The following ZNF717 variants were observed in gnomAD, a reference collection of about 807,000 sequenced individuals.
ZNF717 encodes zinc finger protein 717, also known as krueppel-like factor X17.
ZNF717 carries 9 observed loss-of-function variants against 13.8 expected under a neutral mutation model. The ratio of observed to expected loss-of-function variants is 0.65; its 90% confidence interval spans 0.39 to 1.14. The LOEUF is 1.14. ZNF717 is among the 50% of genes most tolerant of loss of function. ZNF717 has a pLI of 0.01. For synonymous variants in ZNF717, 327 were observed against 364.1 expected (o/e 0.90, Z 1.16); for missense variants, 1,040 against 1,080.7 (o/e 0.96, Z 0.53).
chr3:75,716,246 G>C (rs1158790124), intron 5 of ZNF717, among the ~76,000 whole-genome samples: 1 of 150,494 alleles, frequency 6.6e-6, no homozygotes, highest in Non-Finnish European at 1.5e-5. Context: ...CCCAAGATAA[G>C]ATTGTTCACA....
chr3:75,703,448 T>A (rs1937737283), intron 6 of ZNF717, among the ~76,000 whole-genome samples: 1 of 152,226 alleles, frequency 6.6e-6, no homozygotes, highest in Non-Finnish European at 1.5e-5. Context: ...GAGAATTGCT[T>A]GAATCTGGGA....
chr3:75,777,595 A>G (rs1944427204), intron 2 of ZNF717, among the ~76,000 whole-genome samples: 1 of 152,134 alleles, frequency 6.6e-6, no homozygotes, highest in South Asian at 2.1e-4. Context: ...TAGAAACCCA[A>G]AACAATGGGA....
intron 2 of ZNF717, among the ~76,000 whole-genome samples, chr3:75,754,241 G>A: frequency 6.6e-6 from 1 of 152,222 alleles, no homozygotes; most frequent in East Asian, 1.9e-4. Flanking sequence ...AGCATCACCT[G>A]CCCTGACACC....
At chr3:75,773,033 T>C (rs1944021841) in intron 2 of ZNF717, among the ~76,000 whole-genome samples, 1 of 152,246 alleles carries the variant, frequency 6.6e-6, no homozygotes, top group Non-Finnish European at 1.5e-5. Context: ...AGTAGTTAAC[T>C]GGCTTGAATC....
intron 6 of ZNF717, among the ~76,000 whole-genome samples, chr3:75,694,799 T>C (rs1387128230): frequency 1.6e-4 from 24 of 152,206 alleles, no homozygotes; most frequent in African/African-American, 5.8e-4. Flanking sequence ...TATTATATTG[T>C]TTTCAAGCCT....
chr3:75,753,675 G>T (rs1488022366), intron 2 of ZNF717, among the ~76,000 whole-genome samples: 1 of 150,808 alleles, frequency 6.6e-6, no homozygotes, highest in Non-Finnish European at 1.5e-5. Flanking sequence ...GAACACTCCT[G>T]CTGGGGTCTG....
chr3:75,774,762 A>G (rs1355865986), intron 2 of ZNF717, among the ~76,000 whole-genome samples: 1 of 151,730 alleles, frequency 6.6e-6, no homozygotes, highest in African/African-American at 2.4e-5. Context: ...CTGGGACTAC[A>G]GGTGCCCACC....
intron 2 of ZNF717, among the ~76,000 whole-genome samples, chr3:75,742,424 G>GAACTCATT (rs1359219384): frequency 6.6e-6 from 1 of 151,926 alleles, no homozygotes; most frequent in African/African-American, 2.4e-5. Context: ...ATGTTTAGGT[G>GAACTCATT]AACTCATTGA....
At chr3:75,764,208 T>G (rs949235636) in intron 2 of ZNF717, among the ~76,000 whole-genome samples, 2 of 152,172 alleles carry the variant, frequency 1.3e-5, no homozygotes, top group Non-Finnish European at 2.9e-5. Context: ...GTGGCCAATG[T>G]GGGCTCTCTG....
At chr3:75,719,859 G>A (rs1481683443) in intron 4 of ZNF717, among the ~76,000 whole-genome samples, 165 of 152,146 alleles carry the variant, frequency 1.1e-3, no homozygotes, top group African/African-American at 3.6e-3. Context: ...TCGGGAGGTT[G>A]AGGCATGATA....
Position 75,737,227 on chromosome 3 carries a change from G to T in ZNF717, c.2396C>A (p.Thr799Lys). Residue 799 changes from threonine (T) to lysine (K), a missense_variant, in exon 5 of 5, where the codon ACA (threonine) becomes AAA (lysine). Around this residue, in one of 3 missense-constraint regions of ZNF717, gnomAD observed 873 missense variants for 832.8 expected, o/e 1.05. Transcript: ENST00000652011. ...DECRKTFYDK[T>K]VLTIHQRTHT... The stretch of plus-strand genomic sequence containing the variant: ...AGTTCTCTGATGTATGGTGAGAACT[G>T]TCTTATCGTAAAAAGTTTTCCTACA... 1 of 1,553,404 alleles carries T rather than the reference G, an allele frequency of 6.4e-7. No homozygotes were observed. Among genetic ancestry groups the T allele is most frequent in the Non-Finnish European group, 8.7e-7 (1 of 1,148,120 alleles).
exon 6 of ZNF717, chr3:75,730,121 A>G (rs1938437547): frequency 6.5e-6 from 1 of 152,694 alleles, no homozygotes; most frequent in African/African-American, 2.4e-5. Flanking sequence ...GTACATGACA[A>G]AAACATTCCG....
At chr3:75,715,865 TC>T (rs1221514525) in intron 5 of ZNF717, among the ~76,000 whole-genome samples, 1 of 152,180 alleles carries the variant, frequency 6.6e-6, no homozygotes, top group Non-Finnish European at 1.5e-5. Context: ...GATGTAATTT[TC>T]CCAGCAAGTT....
At chr3:75,741,877 C>A in intron 2 of ZNF717, 141 bp from the exon 3 acceptor site, 2 of 893,268 alleles carry the variant, frequency 2.2e-6, no homozygotes, top group Non-Finnish European at 3.1e-6. Flanking sequence ...TGTAATGGCA[C>A]ATTTTTCCTC....
chr3:75,754,355 A>G (rs1457924151), intron 2 of ZNF717, among the ~76,000 whole-genome samples: 1 of 150,704 alleles, frequency 6.6e-6, no homozygotes, highest in Non-Finnish European at 1.5e-5. Context: ...AAAAGGCAAA[A>G]AAATAAAAAA....
At chr3:75,718,621 G>C (rs2106854806) in intron 4 of ZNF717, among the ~76,000 whole-genome samples, 1 of 152,306 alleles carries the variant, frequency 6.6e-6, no homozygotes, top group East Asian at 1.9e-4. Flanking sequence ...TTTTTCCACA[G>C]ATGGCAGGGA....
At chr3:75,762,158 G>C (rs1290659797) in intron 2 of ZNF717, among the ~76,000 whole-genome samples, 1 of 152,182 alleles carries the variant, frequency 6.6e-6, no homozygotes, top group Non-Finnish European at 1.5e-5. Context: ...ATGACATTTG[G>C]CCAGGTGTGG....
intron 6 of ZNF717, among the ~76,000 whole-genome samples, chr3:75,701,137 C>A (rs10446406): frequency 6.6e-6 from 1 of 152,288 alleles, no homozygotes; most frequent in African/African-American, 2.4e-5. Context: ...AGGGAGAGAC[C>A]TGGTAGAAGG....
At chr3:75,763,489 T>A (rs1943192370) in intron 2 of ZNF717, among the ~76,000 whole-genome samples, 1 of 152,254 alleles carries the variant, frequency 6.6e-6, no homozygotes, top group African/African-American at 2.4e-5. Context: ...GCACATCATG[T>A]ATCTCATAAG....
Sources: gnomAD v4.1 joint callset for allele counts (sites outside exome capture counted in the v4.1 genomes callset) on GRCh38, gnomAD v4.1.1 for gene constraint, gnomAD v4.1.1 regional missense constraint, MANE v1.5 for transcripts, NCBI Gene and HGNC (gene_info 2026-07-23, HGNC 2026-07-21) for gene names.